The following AKAP6 variants were observed in gnomAD, a reference collection of about 807,000 sequenced individuals.
The protein encoded by AKAP6 is A-kinase anchoring protein 6.
A neutral mutation model predicts 188.5 loss-of-function variants in AKAP6; 58 were observed. The observed-to-expected ratio is 0.31, with a 90% CI of 0.25 to 0.38. The LOEUF is 0.38. Ranked by LOEUF, AKAP6 falls within the 10% of genes least tolerant of loss-of-function variation. AKAP6 has a pLI of 1.00. For missense variants in AKAP6, 2,710 were observed against 2,740.0 expected (o/e 0.99, Z 0.24); for synonymous variants, 989 against 998.6 (o/e 0.99, Z 0.18).
chr14:32,587,480 T>C (rs965834119), intron 5 of AKAP6, among the ~76,000 whole-genome samples: 3 of 152,270 alleles, frequency 2.0e-5, no homozygotes, highest in Admixed American at 6.5e-5. Context: ...GGGAGTTTGC[T>C]TACTTAGACT....
chr14:32,636,687 G>T (rs1177227579), intron 7 of AKAP6, among the ~76,000 whole-genome samples: 1 of 152,082 alleles, frequency 6.6e-6, no homozygotes, highest in African/African-American at 2.4e-5. Context: ...AATTAGTCAG[G>T]TGAAAATGCC....
rs1404508485 is a variant in AKAP6, at chr14:32,506,873, CTT to C, written c.325-28677_325-28676del. On this transcript the variant is annotated intron_variant, in intron 2 of 13. Coordinates refer to ENST00000280979, the MANE Select transcript of AKAP6 (RefSeq NM_004274.5). Reference sequence around the variant, plus strand: ...TTTACCTCAAAAAAATTGCGCATCTCTTTTTCTCTGTGTGCATGTATAATTAT... The same window carrying C: ...TTTACCTCAAAAAAATTGCGCATCTCTTTCTCTGTGTGCATGTATAATTAT... 4.6e-5 allele frequency among the ~76,000 whole-genome samples: 7 copies of C among 152,076 alleles called. No individual in the cohort carries two copies. The South Asian group carries it at 1.2e-3, about 27-fold the overall frequency.
Position 32,522,734 on chromosome 14 carries a change from T to C in AKAP6, c.325-12820T>C, listed in dbSNP as rs143545631. Among the ~76,000 whole-genome samples the C allele has an allele frequency of 2.0e-3, 301 of 152,352 alleles. 2 individuals carry two copies. The highest frequency in any genetic ancestry group is 6.9e-3 in the African/African-American group (288 of 41,572). Reference sequence around the variant, plus strand: ...TGGAGAAATAGGAACATTTTTATACTGTTGGTGGGAGTGTAAACTAGTTCA... The same window carrying C: ...TGGAGAAATAGGAACATTTTTATACCGTTGGTGGGAGTGTAAACTAGTTCA... On this transcript the variant is annotated intron_variant, in intron 2 of 13. Coordinates refer to ENST00000280979, the MANE Select transcript of AKAP6 (RefSeq NM_004274.5).
Position 32,678,386 on chromosome 14 carries a change from C to A in AKAP6, c.2806C>A (p.Gln936Lys). The A allele has an allele frequency of 6.2e-7, 1 of 1,613,868 alleles. No homozygotes were observed. The highest frequency in any genetic ancestry group is 1.3e-5 in the African/African-American group (1 of 75,032). Residue 936 changes from glutamine to lysine, a missense_variant, in exon 8 of 14, where the codon CAG becomes AAG. Physicochemically the swap from Gln to Lys is moderately conservative, Grantham distance 53 (BLOSUM62 1). Transcript: ENST00000280979. The part of the protein sequence containing the change: ...EQMSLKLYSE[Q>K]YTSSSKRKEE... The stretch of plus-strand genomic sequence containing the variant: ...GATGTCCCTCAAGCTGTACAGCGAG[C>A]AGTATACCAGCAGCAGCAAGCGAAA...
intron 7 of AKAP6, among the ~76,000 whole-genome samples, chr14:32,629,963 A>G (rs1401373283): frequency 6.6e-6 from 1 of 152,074 alleles, no homozygotes; most frequent in African/African-American, 2.4e-5. Context: ...TTGACTTACT[A>G]AAGCGTTAGT....
intron 2 of AKAP6, among the ~76,000 whole-genome samples, chr14:32,524,893 G>A (rs779141016): frequency 1.3e-5 from 2 of 152,136 alleles, no homozygotes; most frequent in Non-Finnish European, 2.9e-5. Context: ...AGAAAATGCA[G>A]GTTCTTTGGC....
intron 11 of AKAP6, among the ~76,000 whole-genome samples, chr14:32,741,034 G>A (rs1272234934): frequency 7.5e-6 from 1 of 133,610 alleles, no homozygotes; most frequent in African/African-American, 2.8e-5. Context: ...TTTTTTTTGT[G>A]TGTGTTCTCT....
Position 32,546,516 on chromosome 14 carries a change from G to T in AKAP6, c.1863G>T (p.Val621=). The T allele has an allele frequency of 6.2e-7, 1 of 1,614,148 alleles. No individual in the cohort carries two copies. Among genetic ancestry groups the T allele is most frequent in the East Asian group, 2.2e-5 (1 of 44,888 alleles). ...ACGTCACTAGGAATGGTGAGGTTGTGGAGGCCTGGTATGGCTCTGATGAAT... is the reference window on the plus strand; with the variant it reads ...ACGTCACTAGGAATGGTGAGGTTGTTGAGGCCTGGTATGGCTCTGATGAAT... ...PSHVTRNGEV[V]EAWYGSDEYL... The change falls in exon 4 of 14, where the codon GTG becomes GTT. Residue 621 remains valine, a synonymous_variant. Transcript: ENST00000280979.
intron 6 of AKAP6, 75 bp downstream of exon 6, chr14:32,599,581 C>A: frequency 8.8e-7 from 1 of 1,131,370 alleles, no homozygotes; most frequent in Non-Finnish European, 1.3e-6. Context: ...CTGTAAATTA[C>A]TGCATATATT....
rs540754232 is a variant in AKAP6, at chr14:32,564,317, T to C, written c.2347-12803T>C. On this transcript the variant is annotated intron_variant, in intron 4 of 13. Coordinates refer to ENST00000280979, the MANE Select transcript of AKAP6 (RefSeq NM_004274.5). The stretch of plus-strand genomic sequence containing the variant: ...CGACTGTATTTATAATACATATTTA[T>C]AATTATATGCTTATAAATAATAATT... 3.3e-5 allele frequency among the ~76,000 whole-genome samples: 5 copies of C among 152,344 alleles called. No homozygotes were observed. In the East Asian group the frequency reaches 9.6e-4, roughly 29 times the overall value.
At chr14:32,686,240 G>T (rs561936644) in intron 8 of AKAP6, among the ~76,000 whole-genome samples, 1 of 152,212 alleles carries the variant, frequency 6.6e-6, no homozygotes, top group African/African-American at 2.4e-5. Flanking sequence ...CTAAAAATCA[G>T]AACAGTTGAA....
chr14:32,490,600 G>A (rs1333642431), intron 2 of AKAP6, among the ~76,000 whole-genome samples: 2 of 151,804 alleles, frequency 1.3e-5, no homozygotes, highest in African/African-American at 4.8e-5. Flanking sequence ...TTTTTACCAG[G>A]GCCTCTCCTC....
chr14:32,370,389 G>A (rs572850310), intron 1 of AKAP6, among the ~76,000 whole-genome samples: 2 of 152,292 alleles, frequency 1.3e-5, no homozygotes, highest in African/African-American at 2.4e-5. Context: ...GTTCTTAAGA[G>A]GAATGCTTAT....
intron 5 of AKAP6, among the ~76,000 whole-genome samples, chr14:32,596,339 A>G (rs1386859851): frequency 6.6e-6 from 1 of 152,212 alleles, no homozygotes; most frequent in Non-Finnish European, 1.5e-5. Flanking sequence ...GATCATGACC[A>G]AAGTACAATC....
intron 7 of AKAP6, among the ~76,000 whole-genome samples, chr14:32,663,431 A>G (rs1888788241): frequency 6.6e-6 from 1 of 152,076 alleles, no homozygotes; most frequent in Non-Finnish European, 1.5e-5. Flanking sequence ...TCTGGTTCAT[A>G]TCATACTCTT....
At chr14:32,532,837 TG>T (rs1882483544) in intron 2 of AKAP6, among the ~76,000 whole-genome samples, 1 of 152,126 alleles carries the variant, frequency 6.6e-6, no homozygotes, top group Admixed American at 6.5e-5. Context: ...TAACTATAGA[TG>T]CTCCCCATAT....
In AKAP6 at chr14:32,426,583, T is replaced by C. The variant is rs541584687; in HGVS notation, c.-34-6877T>C. On this transcript the variant is annotated intron_variant, in intron 1 of 13. Transcript: ENST00000280979. Reference sequence around the variant, plus strand: ...TCTGTCATGACAATTTCTTGAACAATAGAAAGGTGACTGCCTAATGCTTAA... The same window carrying C: ...TCTGTCATGACAATTTCTTGAACAACAGAAAGGTGACTGCCTAATGCTTAA... Among the ~76,000 whole-genome samples, 7 of 152,248 alleles carry C rather than the reference T, an allele frequency of 4.6e-5. No homozygotes were observed. In the East Asian group the frequency reaches 1.2e-3, roughly 25 times the overall value.
intron 12 of AKAP6, among the ~76,000 whole-genome samples, chr14:32,774,831 G>C (rs1594933423): frequency 6.6e-6 from 1 of 152,116 alleles, no homozygotes; most frequent in Non-Finnish European, 1.5e-5. Flanking sequence ...ACTTTGGAAA[G>C]TTCAGGATCC....
Position 32,823,315 on chromosome 14 carries a change from T to C in AKAP6, c.5502T>C (p.Ser1834=), listed in dbSNP as rs1462425687. ...AGGGCAGTAAAGATATAAGTAGCAGTGAGATGACCAATCCCTCTGATACTC... is the reference window on the plus strand; with the variant it reads ...AGGGCAGTAAAGATATAAGTAGCAGCGAGATGACCAATCCCTCTGATACTC... ...EMKGSKDISS[S]EMTNPSDTLN... is the part of the protein sequence containing the mutation. Residue 1834 remains serine, a synonymous_variant, in exon 13 of 14, where the codon AGT becomes AGC. Transcript: ENST00000280979. 4.3e-6 allele frequency: 7 copies of C among 1,613,866 alleles called. No homozygotes were observed. The highest frequency in any genetic ancestry group is 5.9e-6 in the Non-Finnish European group (7 of 1,179,908).
Sources: allele counts gnomAD v4.1 joint callset (sites outside exome capture counted in the v4.1 genomes callset), GRCh38; gene constraint gnomAD v4.1.1; transcripts MANE v1.5; gene names NCBI Gene and HGNC (gene_info 2026-07-23, HGNC 2026-07-21).